EXD3: variants seen among roughly 807,000 people sequenced by gnomAD.
EXD3 encodes the protein exonuclease mut-7 homolog.
EXD3 carries 92 observed loss-of-function variants against 98.0 expected under a neutral mutation model. The observed-to-expected ratio is 0.94, with a 90% CI of 0.79 to 1.12. EXD3 has a LOEUF of 1.12. Among genes scored for constraint, EXD3 ranks in the 50% most tolerant of loss-of-function variants. The pLI is 0.00. For synonymous variants in EXD3, 569 were observed against 526.0 expected, an observed-to-expected ratio of 1.08 and a Z score of -1.12; for missense variants, 1,222 against 1,191.6, an observed-to-expected ratio of 1.03 and a Z score of -0.38.
chr9:137,382,271 A>T (rs1340145421), intron 3 of EXD3, among the ~76,000 whole-genome samples: 1 of 151,852 alleles, frequency 6.6e-6, no homozygotes, highest in Non-Finnish European at 1.5e-5. Context: ...CGGAGCCCGG[A>T]GCAGATCTCA....
intron 5 of EXD3, among the ~76,000 whole-genome samples, chr9:137,370,933 GCAGCACATTGAGTCGTGAGTCC>G (rs1363958437): frequency 6.6e-6 from 1 of 152,028 alleles, no homozygotes; most frequent in Non-Finnish European, 1.5e-5. Context: ...ATGAAATATC[GCAGCACATTGAGTCGTGAGTCC>G]CAGCTAATCC....
At chr9:137,353,475 A>G in intron 10 of EXD3, 3 of 985,346 alleles carry the variant, frequency 3.0e-6, no homozygotes, top group Non-Finnish European at 3.6e-6. Flanking sequence ...GGCAGGGCTC[A>G]GGAGGCTATT....
At chr9:137,358,940 C>G (rs1834925107) in intron 7 of EXD3, among the ~76,000 whole-genome samples, 1 of 150,608 alleles carries the variant, frequency 6.6e-6, no homozygotes, top group East Asian at 2.0e-4. Context: ...CCCACTGCAC[C>G]TGGCAAGGCC....
rs1327908624 is a variant in EXD3 at position 137,393,895 on chromosome 9, C to A, written c.55+1408G>T. Reference sequence around the variant, plus strand: ...AGGCGGCTGGGCCAGGGCCTTACAGCTCTCACTGCTGTTTACAAGGACTGC... The same window carrying A: ...AGGCGGCTGGGCCAGGGCCTTACAGATCTCACTGCTGTTTACAAGGACTGC... On this transcript the variant is annotated intron_variant, in intron 2 of 21. Transcript: ENST00000340951. The surrounding 1 kb of genome is among the most constrained non-coding windows in gnomAD (Gnocchi z 4.6). 6.6e-6 allele frequency among the ~76,000 whole-genome samples: 1 copy of A among 152,162 alleles called. No individual in the cohort carries two copies. The highest frequency in any genetic ancestry group is 1.9e-4 in the East Asian group (1 of 5,196).
intron 19 of EXD3, among the ~76,000 whole-genome samples, chr9:137,311,664 C>A (rs1431952219): frequency 6.6e-6 from 1 of 152,204 alleles, no homozygotes; most frequent in Non-Finnish European, 1.5e-5. Flanking sequence ...CTTGCTGTCA[C>A]CCACAAGGCC....
intron 19 of EXD3, among the ~76,000 whole-genome samples, chr9:137,319,044 G>A (rs1189323947): frequency 2.6e-5 from 4 of 152,366 alleles, no homozygotes; most frequent in African/African-American, 7.2e-5. Flanking sequence ...CAGCCCGGCG[G>A]CAGGCGCTCT....
rs1835352518 is a variant in EXD3 at position 137,367,901 on chromosome 9, T to A, written c.516+35A>T. ...TAGAGACCTGGGCGTTATCCAAGTT[T>A]GAACCTAAACAATTTACATGAGAAA... On this transcript the variant is annotated intron_variant, in intron 6 of 21. Transcript: ENST00000340951. 3 of 1,605,040 alleles carry A rather than the reference T, an allele frequency of 1.9e-6. No individual in the cohort carries two copies. In the South Asian group the frequency reaches 3.3e-5, roughly 18 times the overall value.
intron 17 of EXD3, among the ~76,000 whole-genome samples, chr9:137,332,930 T>C (rs1048081313): frequency 2.6e-5 from 4 of 152,160 alleles, no homozygotes; most frequent in African/African-American, 7.2e-5. Context: ...GTCAACTGGA[T>C]TGAAGGATGC....
rs568411061 is a variant in EXD3 at position 137,379,779 on chromosome 9, C to T, written c.120+3534G>A. Among the ~76,000 whole-genome samples, 9 of 152,080 alleles carry T rather than the reference C, an allele frequency of 5.9e-5. No homozygotes were observed. In the East Asian group the frequency reaches 1.2e-3, roughly 20 times the overall value. On this transcript the variant is annotated intron_variant, in intron 3 of 21. Coordinates refer to ENST00000340951, the MANE Select transcript of EXD3 (RefSeq NM_017820.5). ...CGCCCAGGCTGGTTTCTGTCACCCC[C>T]GGAGTTCTGCAGCACCCGTTCTAAC...
In EXD3 at chr9:137,393,142, GGCTGTTCCAGGGGCCCT is replaced by G; in HGVS notation, c.55+2144_55+2160del. On this transcript the variant is annotated intron_variant, in intron 2 of 21. Transcript: ENST00000340951. The surrounding 1 kb of genome is among the most constrained non-coding windows in gnomAD (Gnocchi z 4.6). ...CCATTAGTGTTCCAGGGGGCGCCGA[GGCTGTTCCAGGGGCCCT>G]GCTAGCTGGGGTGTTGCACTTTGAA... 1.4e-6 allele frequency: 1 copy of G among 701,918 alleles called. No homozygotes were observed. The highest frequency in any genetic ancestry group is 2.6e-6 in the Non-Finnish European group (1 of 384,900). 43.5% of individuals were successfully genotyped at this position (701,918 alleles called of 1,614,324 possible).
rs1457509316 is a variant in EXD3, at chr9:137,328,648, G to A, written c.1999-4505C>T. On this transcript the variant is annotated intron_variant, in intron 17 of 21. Transcript: ENST00000340951. ...TACACGGGACTACACGGGGCTACAC[G>A]GGACTACACGGGACTACACGGGACT... is the stretch of plus-strand genomic sequence containing the variant. 2.7e-4 allele frequency among the ~76,000 whole-genome samples: 21 copies of A among 78,454 alleles called. 1 individual carries two copies. The South Asian group carries it at 3.1e-3, about 12-fold the overall frequency. The allele number at this position is 78,454 out of a possible 152,430, so 51.5% of individuals were successfully genotyped here.
Position 137,371,725 on chromosome 9 carries a change from G to C in EXD3, c.462+1180C>G, listed in dbSNP as rs954822337. 2.6e-5 allele frequency among the ~76,000 whole-genome samples: 4 copies of C among 151,386 alleles called. No individual in the cohort carries two copies. Among genetic ancestry groups the C allele is most frequent in the African/African-American group, 9.7e-5 (4 of 41,194 alleles). On this transcript the variant is annotated intron_variant, in intron 5 of 21. Transcript: ENST00000340951. This position sits in a 1 kb window ranked among gnomAD's most constrained non-coding sequence, Gnocchi z 8.0. ...GGCACCCCCAGGCAGGACACCCCTG[G>C]GCCAAGCACCCCCGGGCCGAGCACC... is the stretch of plus-strand genomic sequence containing the variant.
At chr9:137,329,577 C>T (rs1324734629) in intron 17 of EXD3, among the ~76,000 whole-genome samples, 66 of 5,998 alleles carry the variant, frequency 0.011, no homozygotes, top group African/African-American at 0.034. Context: ...CTACACGGGG[C>T]TACACGGGAC....
chr9:137,315,256 C>T (rs2119064102), intron 19 of EXD3, among the ~76,000 whole-genome samples: 1 of 152,384 alleles, frequency 6.6e-6, no homozygotes, highest in African/African-American at 2.4e-5. Context: ...CCTGGGCACC[C>T]CCCGACCGGG....
chr9:137,387,582 G>A (rs1336105875), intron 2 of EXD3, among the ~76,000 whole-genome samples: 1 of 152,174 alleles, frequency 6.6e-6, no homozygotes, highest in East Asian at 1.9e-4. Flanking sequence ...CCAGGGCTCA[G>A]CAGTGAGAGG....
At position 137,385,219 on chromosome 9, in the gene EXD3, G is replaced by A. The variant is rs1029060171; in HGVS notation, c.56-1842C>T. Among the ~76,000 whole-genome samples the A allele has an allele frequency of 1.3e-5, 2 of 152,206 alleles. No homozygotes were observed. The highest frequency in any genetic ancestry group is 2.4e-5 in the African/African-American group (1 of 41,468). On this transcript the variant is annotated intron_variant, in intron 2 of 21. Transcript: ENST00000340951. The surrounding 1 kb of genome is among the most constrained non-coding windows in gnomAD (Gnocchi z 4.4). ...CTGCGCTCAGAACCGTCCCACCATC[G>A]TGCACAGTGTGCTGCATACAGAGGC... is the stretch of plus-strand genomic sequence containing the variant.
At chr9:137,317,593 G>A (rs1307341909) in intron 19 of EXD3, among the ~76,000 whole-genome samples, 2 of 152,100 alleles carry the variant, frequency 1.3e-5, no homozygotes, top group Non-Finnish European at 2.9e-5. Flanking sequence ...CTAGGAAAGG[G>A]GGGATGAGGG....
chr9:137,307,171 T>A lies in EXD3; in HGVS notation c.2410A>T (p.Met804Leu). 6.3e-7 allele frequency: 1 copy of A among 1,588,414 alleles called. No individual in the cohort carries two copies. The highest frequency in any genetic ancestry group is 8.6e-7 in the Non-Finnish European group (1 of 1,168,730). Reference protein sequence around the residue: ...MADLRAETPDMLADGTRLQLA... With the variant: ...MADLRAETPDLLADGTRLQLA... ...TGCAGCCGGGTGCCGTCGGCCAGCA[T>A]GTCCGGTGTCTCCGCCCGCAGGTCA... Residue 804 changes from methionine to leucine, a missense_variant, in exon 22 of 22, where the codon ATG (methionine) becomes TTG (leucine). Physicochemically the swap from Met to Leu is conservative, Grantham distance 15. Transcript: ENST00000340951.
chr9:137,388,000 G>GGGCCCT (rs1300876449), intron 2 of EXD3, among the ~76,000 whole-genome samples: 1 of 152,242 alleles, frequency 6.6e-6, no homozygotes, highest in African/African-American at 2.4e-5. Flanking sequence ...CCCTGACCCT[G>GGGCCCT]GACCCTGCCC....
Sources: gnomAD v4.1 joint callset for allele counts (sites outside exome capture counted in the v4.1 genomes callset) on GRCh38, gnomAD v4.1.1 for gene constraint, Gnocchi (gnomAD v3.1) non-coding constraint, MANE v1.5 for transcripts, NCBI Gene and HGNC (gene_info 2026-07-23, HGNC 2026-07-21) for gene names.